Variants in MCPH1 observed in about 807,000 individuals in gnomAD.
The protein encoded by MCPH1 is microcephalin.
Under a neutral mutation model 84.5 loss-of-function variants are expected in MCPH1, and 104 were observed. The ratio of observed to expected loss-of-function variants is 1.23; its 90% CI spans 1.05 to 1.45. MCPH1 has a LOEUF of 1.45. Among genes scored for constraint, MCPH1 ranks in the 40% most tolerant of loss-of-function variants. MCPH1 has a pLI of 0.00. For missense variants in MCPH1, 1,498 were observed against 1,005.7 expected (o/e 1.49, Z -6.62); for synonymous variants, 514 against 366.8 (o/e 1.40, Z -4.58).
intron 12 of MCPH1, among the ~76,000 whole-genome samples, chr8:6,533,291 G>C (rs1173765188): frequency 2.6e-5 from 4 of 152,166 alleles, no homozygotes; most frequent in Admixed American, 2.6e-4. Context: ...ACTGCCATTG[G>C]TATAGCTATC....
intron 11 of MCPH1, among the ~76,000 whole-genome samples, chr8:6,498,784 T>C (rs1811590254): frequency 6.6e-6 from 1 of 152,130 alleles, no homozygotes; most frequent in Admixed American, 6.6e-5. Context: ...ATATTGTTAG[T>C]ATATCTCCTT....
intron 9 of MCPH1, chr8:6,474,338 A>G: frequency 2.3e-6 from 1 of 432,738 alleles, no homozygotes; most frequent in East Asian, 4.5e-5. Flanking sequence ...TTTCTATGAC[A>G]CGTTTCTATC....
chr8:6,569,934 C>T (rs1222194773), intron 12 of MCPH1, among the ~76,000 whole-genome samples: 1 of 152,190 alleles, frequency 6.6e-6, no homozygotes, highest in East Asian at 1.9e-4. Context: ...TCATGTGGAC[C>T]TCGGGCATCT....
intron 12 of MCPH1, among the ~76,000 whole-genome samples, chr8:6,592,641 T>TTTTTTTTTTTTTTTTTTTTTTTTTTTG (rs1238168977): frequency 9.3e-6 from 1 of 107,430 alleles, no homozygotes; most frequent in Non-Finnish European, 1.9e-5. Context: ...TTTTTTTTTT[T>TTTTTTTTTTTTTTTTTTTTTTTTTTTG]TTGTTGCTGT....
At chr8:6,531,969 C>T (rs554668795) in intron 12 of MCPH1, among the ~76,000 whole-genome samples, 2 of 152,142 alleles carry the variant, frequency 1.3e-5, no homozygotes, top group Non-Finnish European at 2.9e-5. Context: ...CTTTTCATTT[C>T]TCAAATGTTC....
At chr8:6,596,739 T>G (rs1828957773) in intron 12 of MCPH1, among the ~76,000 whole-genome samples, 1 of 152,016 alleles carries the variant, frequency 6.6e-6, no homozygotes, top group Non-Finnish European at 1.5e-5. Flanking sequence ...CAAAAAACGG[T>G]AGAACTGAAA....
chr8:6,521,337 C>A, intron 12 of MCPH1: 6 of 1,613,710 alleles, frequency 3.7e-6, no homozygotes, highest in African/African-American at 1.3e-5. Context: ...TGTAGCTGAT[C>A]TTTCTCTTCT....
At chr8:6,489,049 T>G (rs918252170) in intron 11 of MCPH1, among the ~76,000 whole-genome samples, 2 of 151,910 alleles carry the variant, frequency 1.3e-5, no homozygotes, top group African/African-American at 4.8e-5. Flanking sequence ...ATTTGCAGAG[T>G]TAGGGAATTC....
intron 12 of MCPH1, among the ~76,000 whole-genome samples, chr8:6,574,186 G>T (rs1826878818): frequency 6.6e-6 from 1 of 152,306 alleles, no homozygotes; most frequent in East Asian, 1.9e-4. Flanking sequence ...CAAACCGGGT[G>T]CCTAAAACAA....
At chr8:6,495,699 C>T (rs1811147739) in intron 11 of MCPH1, among the ~76,000 whole-genome samples, 1 of 152,192 alleles carries the variant, frequency 6.6e-6, no homozygotes, top group Non-Finnish European at 1.5e-5. Flanking sequence ...CTTTTTACCA[C>T]AGTTGGTGGA....
intron 11 of MCPH1, among the ~76,000 whole-genome samples, chr8:6,493,109 C>A (rs1481495730): frequency 6.6e-6 from 1 of 152,072 alleles, no homozygotes; most frequent in African/African-American, 2.4e-5. Context: ...ATATTTATTT[C>A]TTTGTTTTCC....
chr8:6,496,444 A>G (rs1315515279), intron 11 of MCPH1, among the ~76,000 whole-genome samples: 1 of 152,164 alleles, frequency 6.6e-6, no homozygotes, highest in South Asian at 2.1e-4. Context: ...ACAGACTGGT[A>G]CCAGGACCCC....
intron 8 of MCPH1, among the ~76,000 whole-genome samples, chr8:6,453,342 C>A (rs1041477565): frequency 4.0e-5 from 6 of 151,142 alleles, no homozygotes; most frequent in Non-Finnish European, 7.4e-5. Flanking sequence ...TTACTTAGAT[C>A]ATTTTTTGAC....
intron 12 of MCPH1, among the ~76,000 whole-genome samples, chr8:6,506,159 C>T (rs541124586): frequency 6.6e-5 from 10 of 151,550 alleles, no homozygotes; most frequent in East Asian, 2.0e-4. Context: ...GCAGATTGGA[C>T]GGAAGTTTGC....
Position 6,444,772 on chromosome 8 carries a change from G to C in MCPH1, c.1050G>C (p.Arg350Ser), listed in dbSNP as rs540202402. The change falls in exon 8 of 14, where the codon AGG becomes AGC. Residue 350 changes from arginine (R) to serine (S), a missense_variant. Arg to Ser is a moderately radical substitution (Grantham distance 110). Coordinates refer to ENST00000344683, the MANE Select transcript of MCPH1 (RefSeq NM_024596.5). ...KGHLLIHSRP[R>S]SSSVKRKRVS... ...ACCTTTTGATACATTCAAGACCCAGGAGTTCCTCAGTAAAGAGAAAAAGAG... is the reference window on the plus strand; with the variant it reads ...ACCTTTTGATACATTCAAGACCCAGCAGTTCCTCAGTAAAGAGAAAAAGAG... The C allele has an allele frequency of 3.1e-6, 5 of 1,614,034 alleles. No homozygotes were observed. In the South Asian group the frequency reaches 5.5e-5, roughly 18 times the overall value.
At chr8:6,421,723 A>G (rs1056019554) in intron 3 of MCPH1, among the ~76,000 whole-genome samples, 1 of 152,194 alleles carries the variant, frequency 6.6e-6, no homozygotes, top group Non-Finnish European at 1.5e-5. Flanking sequence ...CTTACGGCCC[A>G]CGAAGCCTAA....
intron 12 of MCPH1, among the ~76,000 whole-genome samples, chr8:6,545,195 G>A (rs1191909590): frequency 6.6e-6 from 1 of 152,136 alleles, no homozygotes; most frequent in Non-Finnish European, 1.5e-5. Flanking sequence ...TTGAGGCTGT[G>A]AACTGAGCAG....
chr8:6,603,876 G>T (rs953194900), intron 12 of MCPH1, among the ~76,000 whole-genome samples: 1 of 152,120 alleles, frequency 6.6e-6, no homozygotes, highest in Non-Finnish European at 1.5e-5. Flanking sequence ...CGATTCCCAA[G>T]AAATAAATGT....
chr8:6,470,802 G>C (rs1208610446), intron 9 of MCPH1, among the ~76,000 whole-genome samples: 1 of 152,210 alleles, frequency 6.6e-6, no homozygotes, highest in African/African-American at 2.4e-5. Context: ...ATAAGCTTTA[G>C]TAGAAAATGT....
Sources: gnomAD v4.1 joint callset for allele counts (sites outside exome capture counted in the v4.1 genomes callset) on GRCh38, gnomAD v4.1.1 for gene constraint, MANE v1.5 for transcripts, NCBI Gene and HGNC (gene_info 2026-07-23, HGNC 2026-07-21) for gene names.